Variants in MYH11 observed in about 807,000 individuals in gnomAD.
The protein encoded by MYH11 is myosin heavy chain 11.
In MYH11, 80 loss-of-function variants were observed where a neutral mutation model predicts 246.6. The observed-to-expected ratio is 0.32, with a 90% CI of 0.27 to 0.39. The LOEUF (loss-of-function observed/expected upper bound fraction) is 0.39. Among genes scored for constraint, MYH11 ranks in the 10% least tolerant of loss-of-function variants. The probability of loss-of-function intolerance (pLI) is 1.00; values close to 1 mark genes in which losing one functional copy is unlikely to be tolerated. For synonymous variants in MYH11, 1,071 were observed against 1,015.5 expected, an observed-to-expected ratio of 1.05 and a Z score of -1.04; for missense variants, 2,158 against 2,546.8, an observed-to-expected ratio of 0.85 and a Z score of 3.29.
At chr16:15,711,013 C>G (rs1452127649) in intron 40 of MYH11, 1 of 152,406 alleles carries the variant, frequency 6.6e-6, no homozygotes, top group Non-Finnish European at 1.5e-5. Context: ...CTCTCCTCCA[C>G]TGACCCCTCA....
At chr16:15,720,668 G>A (rs2040417938) in intron 33 of MYH11, among the ~76,000 whole-genome samples, 171 bp downstream of exon 33, 1 of 151,978 alleles carries the variant, frequency 6.6e-6, no homozygotes, top group South Asian at 2.1e-4. Context: ...AGGAGGTGGA[G>A]GTTGCAGTGA....
intron 6 of MYH11, 166 bp from the exon 7 acceptor site, chr16:15,779,009 T>A (rs1186257549): frequency 2.8e-6 from 2 of 718,406 alleles, no homozygotes; most frequent in Middle Eastern, 2.4e-4. Flanking sequence ...GGAACCAACA[T>A]CTGCTGAGCT....
In MYH11 at chr16:15,804,912, C is replaced by T. The variant is rs144040794; in HGVS notation, c.503-6225G>A. Among the ~76,000 whole-genome samples, 210 of 152,302 alleles carry T rather than the reference C, an allele frequency of 1.4e-3. No individual in the cohort carries two copies. In the South Asian group the frequency reaches 0.015, roughly 11 times the overall value. ...TTTTGTTTATCCATTCAACAGTTGA[C>T]GGACATTTGGGTTATTTCCACCTTT... On this transcript the variant is annotated intron_variant, in intron 3 of 40. Transcript: ENST00000300036.
intron 3 of MYH11, among the ~76,000 whole-genome samples, chr16:15,820,181 A>G (rs1203862827): frequency 6.6e-6 from 1 of 152,180 alleles, no homozygotes; most frequent in Non-Finnish European, 1.5e-5. Flanking sequence ...CATCTCTACT[A>G]AAAATACAAA....
At chr16:15,709,397 C>A (rs983985309) in intron 40 of MYH11, among the ~76,000 whole-genome samples, 3 of 151,934 alleles carry the variant, frequency 2.0e-5, no homozygotes, top group Admixed American at 6.6e-5. Flanking sequence ...TCACTGCAAC[C>A]TCCACCTCCC....
intron 24 of MYH11, among the ~76,000 whole-genome samples, chr16:15,737,858 T>A (rs2041166355): frequency 6.6e-6 from 1 of 152,090 alleles, no homozygotes; most frequent in Non-Finnish European, 1.5e-5. Flanking sequence ...AGTGGCGCAA[T>A]CTCAGCTCAC....
At chr16:15,718,021 G>T (rs541571270) in intron 37 of MYH11, 4 of 500,936 alleles carry the variant, frequency 8.0e-6, no homozygotes, top group African/African-American at 7.7e-5. Flanking sequence ...AGGGGAAAAC[G>T]CAATGAAAGA....
chr16:15,829,798 CAGGGAGGGA>C (rs1466606222), intron 2 of MYH11, among the ~76,000 whole-genome samples: 7 of 152,084 alleles, frequency 4.6e-5, no homozygotes, highest in Middle Eastern at 3.2e-3. Flanking sequence ...AAATGAGGAA[CAGGGAGGGA>C]AGGGAGGGAA....
chr16:15,708,230 T>G (rs535514713), intron 40 of MYH11, among the ~76,000 whole-genome samples: 216 of 152,280 alleles, frequency 1.4e-3, no homozygotes, highest in Non-Finnish European at 2.4e-3. Flanking sequence ...GACATCGCAG[T>G]GAGCTCATTT....
intron 31 of MYH11, among the ~76,000 whole-genome samples, chr16:15,722,540 C>CG (rs1394727717): frequency 6.6e-6 from 1 of 152,196 alleles, no homozygotes; most frequent in Non-Finnish European, 1.5e-5. Context: ...GCACTACACT[C>CG]TATGTGACAG....
At position 15,710,514 on chromosome 16, in the gene MYH11, C is replaced by T. The variant is rs527522122; in HGVS notation, c.5786+4395G>A. Among the ~76,000 whole-genome samples the T allele has an allele frequency of 2.6e-4, 40 of 151,858 alleles. 1 individual carries two copies. Among genetic ancestry groups the T allele is most frequent in the African/African-American group, 8.5e-4 (35 of 41,330 alleles). ...CCAGCCTGGCAACAGAGCTAGACTC[C>T]GTCTAAAAATAAATAATAAAAAGAA... On this transcript the variant is annotated intron_variant, in intron 40 of 40. Transcript: ENST00000300036.
intron 3 of MYH11, among the ~76,000 whole-genome samples, chr16:15,822,201 G>C (rs2043432201): frequency 6.6e-6 from 1 of 152,166 alleles, no homozygotes; most frequent in African/African-American, 2.4e-5. Context: ...CCAGAATTGG[G>C]CTCCTCTCAA....
chr16:15,773,865 C>T (rs1162684126), intron 8 of MYH11, among the ~76,000 whole-genome samples: 1 of 152,168 alleles, frequency 6.6e-6, no homozygotes, highest in Non-Finnish European at 1.5e-5. Flanking sequence ...CTGTGTCAAA[C>T]TGTATCCTAT....
chr16:15,719,488 G>T, intron 35 of MYH11, 97 bp downstream of exon 35: 3 of 1,583,110 alleles, frequency 1.9e-6, no homozygotes, highest in Non-Finnish European at 2.6e-6. Flanking sequence ...CCCCAGAGGA[G>T]GACGAAATGA....
Position 15,747,672 on chromosome 16 carries a change from A to C in MYH11, c.2309T>G (p.Phe770Cys). 2 of 1,614,060 alleles carry C rather than the reference A, an allele frequency of 1.2e-6. No homozygotes were observed. Among genetic ancestry groups the C allele is most frequent in the South Asian group, 2.2e-5 (2 of 91,072 alleles). The change falls in exon 19 of 41, where the codon TTC becomes TGC. Residue 770 changes from phenylalanine (F) to cysteine (C), a missense_variant. Phe to Cys is a radical substitution (Grantham distance 205). Coordinates refer to ENST00000300036, the MANE Select transcript of MYH11 (RefSeq NM_002474.3). ...LYRIGQSKIF[F>C]RTGVLAHLEE... ...TAGGTGGGCCAGGACGCCAGTTCGG[A>C]AGAAGATTTTGCTCTGCCCTATCCT...
intron 10 of MYH11, among the ~76,000 whole-genome samples, chr16:15,763,046 A>G (rs1417557329): frequency 6.6e-6 from 1 of 152,232 alleles, no homozygotes; most frequent in Non-Finnish European, 1.5e-5. Context: ...TAGGGGGAAA[A>G]TTACAGGATG....
In MYH11 at chr16:15,718,435, G is replaced by A. The variant is rs753293134; in HGVS notation, c.5175C>T (p.Asn1725=). The A allele has an allele frequency of 1.3e-5, 21 of 1,563,454 alleles. No individual in the cohort carries two copies. Among genetic ancestry groups the A allele is most frequent in the South Asian group, 4.6e-5 (4 of 87,794 alleles). Residue 1725 remains asparagine (N), a synonymous_variant, in exon 37 of 41, where the codon AAC becomes AAT. Coordinates refer to ENST00000300036, the MANE Select transcript of MYH11 (RefSeq NM_002474.3). ...EELASSLSGR[N]ALQDEKRRLE... is the part of the protein sequence containing the mutation. ...GGCGGCGCTTCTCGTCCTGGAGTGC[G>A]TTCCTGGGGGAAGGGCGGCCATGGT...
rs58806731 is a variant in MYH11 at position 15,814,553 on chromosome 16, CAAAAAAAAAAAAAAAA to C, written c.502+8686_502+8701del. ...GGACAACGAGAGTGAAACTCCATCT[CAAAAAAAAAAAAAAAA>C]AAAAAAAAAAAAAAAGGTACCAAGA... On this transcript the variant is annotated intron_variant, in intron 3 of 40. Transcript: ENST00000300036. 4.4e-4 allele frequency among the ~76,000 whole-genome samples: 10 copies of C among 22,826 alleles called. No homozygotes were observed. In the South Asian group the frequency reaches 0.021, roughly 47 times the overall value. The allele number at this position is 22,826 out of a possible 152,430, so 15.0% of individuals were successfully genotyped here. A position where few individuals can be genotyped will look rare whatever the true frequency, so the allele number is the denominator to read the frequency against.
At chr16:15,768,664 T>C (rs2151288367) in intron 9 of MYH11, among the ~76,000 whole-genome samples, 1 of 152,314 alleles carries the variant, frequency 6.6e-6, no homozygotes, top group South Asian at 2.1e-4. Flanking sequence ...ACATTTGTTT[T>C]AATAGAAAAC....
Sources: gnomAD v4.1 joint callset for allele counts (sites outside exome capture counted in the v4.1 genomes callset) on GRCh38, gnomAD v4.1.1 for gene constraint, MANE v1.5 for transcripts, NCBI Gene and HGNC (gene_info 2026-07-23, HGNC 2026-07-21) for gene names.